Variants in EIF2B2 observed in about 807,000 individuals in gnomAD.
The protein encoded by EIF2B2 is translation initiation factor eIF2B subunit beta.
A neutral mutation model predicts 34.7 loss-of-function variants in EIF2B2; 34 were observed. The ratio of observed to expected loss-of-function variants is 0.98; its 90% CI spans 0.75 to 1.31. EIF2B2 has a LOEUF of 1.31. Ranked by LOEUF, EIF2B2 falls within the 50% of genes most tolerant of loss-of-function variation. EIF2B2 has a pLI of 0.00. For missense variants in EIF2B2, 361 were observed against 447.7 expected, an observed-to-expected ratio of 0.81 and a Z score of 1.75; for synonymous variants, 155 against 171.6, an observed-to-expected ratio of 0.90 and a Z score of 0.76.
Position 75,009,031 on chromosome 14 carries a change from G to T in EIF2B2, c.899G>T (p.Gly300Val). 1 of 1,614,012 alleles carries T rather than the reference G, an allele frequency of 6.2e-7. No homozygotes were observed. Among genetic ancestry groups the T allele is most frequent in the Non-Finnish European group, 8.5e-7 (1 of 1,179,964 alleles). The change falls in exon 8 of 8, where the codon GGG becomes GTG. Residue 300 changes from glycine to valine, a missense_variant and splice_region_variant. Coordinates refer to ENST00000266126, the MANE Select transcript of EIF2B2 (RefSeq NM_014239.4). ...TTTAGCATGTGTGCTTGCCTTTCAG[G>T]GGACATTCTGGAGAAGGTCAGCGTG... ...APEEVLPFTE[G>V]DILEKVSVHC...
At position 75,007,818 on chromosome 14, in the gene EIF2B2, G is replaced by A. The variant is rs763801768; in HGVS notation, c.898+30G>A. On this transcript the variant is annotated intron_variant, in intron 7 of 7. Transcript: ENST00000266126. ...AGAAGCTGTGTGTGCATGCGTGCAT[G>A]TGTTGTGTGTATTCGGGGTTTGTGT... 24 of 1,608,468 alleles carry A rather than the reference G, an allele frequency of 1.5e-5. No homozygotes were observed. The South Asian group carries it at 2.5e-4, about 17-fold the overall frequency.
rs759931855 is a variant in EIF2B2, at chr14:75,004,701, T to G, written c.434-36T>G. 4.1e-6 allele frequency: 2 copies of G among 488,514 alleles called. 1 individual carries two copies. The highest frequency in any genetic ancestry group is 5.1e-6 in the Non-Finnish European group (2 of 392,292). The allele number at this position is 488,514 out of a possible 1,614,324, so 30.3% of individuals were successfully genotyped here. ...TATATATATATATATTTTTTTTTTT[T>G]TTTTTTTTTTTTTTTTTGCAAAACC... is the stretch of plus-strand genomic sequence containing the variant. On this transcript the variant is annotated intron_variant, in intron 3 of 7. Coordinates refer to ENST00000266126, the MANE Select transcript of EIF2B2 (RefSeq NM_014239.4).
In EIF2B2 at chr14:75,003,700, G is replaced by C; in HGVS notation, c.433+1G>C. ...ATTAATGAGCTGCTAGTGGAGCTGGGTAAGAGGCCTGATCGCTGGGAAAAT... is the reference window on the plus strand; with the variant it reads ...ATTAATGAGCTGCTAGTGGAGCTGGCTAAGAGGCCTGATCGCTGGGAAAAT... On this transcript the variant is annotated splice_donor_variant, in intron 3 of 7. Transcript: ENST00000266126. LOFTEE classifies it high-confidence loss of function. The C allele has an allele frequency of 6.2e-7, 1 of 1,614,184 alleles. No homozygotes were observed. The highest frequency in any genetic ancestry group is 8.5e-7 in the Non-Finnish European group (1 of 1,180,042).
At position 75,009,877 on chromosome 14, in the gene EIF2B2, A is replaced by G. The variant is rs529892679; in HGVS notation, c.*689A>G. 6.5e-6 allele frequency: 1 copy of G among 154,494 alleles called. No individual in the cohort carries two copies. The highest frequency in any genetic ancestry group is 1.4e-5 in the Non-Finnish European group (1 of 69,612). 9.6% of individuals were successfully genotyped at this position (154,494 alleles called of 1,614,324 possible). A position where few individuals can be genotyped will look rare whatever the true frequency, so the allele number is the denominator to read the frequency against. Reference sequence around the variant, plus strand: ...TAAAAAATTAGCCAGACATGGTGGCACATGCCTGTGGCCTCGCTATGCTGG... The same window carrying G: ...TAAAAAATTAGCCAGACATGGTGGCGCATGCCTGTGGCCTCGCTATGCTGG... On this transcript the variant is annotated 3_prime_UTR_variant, in exon 8 of 8. Transcript: ENST00000266126.
Position 75,002,998 on chromosome 14 carries a change from G to C in EIF2B2, c.8G>C (p.Gly3Ala). Residue 3 changes from glycine (G) to alanine (A), a missense_variant, in exon 1 of 8, where the codon GGA (glycine) becomes GCA (alanine). Gly to Ala is a moderately conservative substitution (Grantham distance 60). Transcript: ENST00000266126. ...AAGGCAGCTACCTTAAAGATGCCGG[G>C]ATCCGCAGCGAAGGGCTCGGAGTTG... MPGSAAKGSELSE... is the reference protein window; with the variant it reads MPASAAKGSELSE... 6.2e-7 allele frequency: 1 copy of C among 1,614,144 alleles called. No individual in the cohort carries two copies. Among genetic ancestry groups the C allele is most frequent in the Non-Finnish European group, 8.5e-7 (1 of 1,180,038 alleles).
Position 75,003,292 on chromosome 14 carries a change from A to C in EIF2B2, c.181A>C (p.Ile61Leu). The C allele has an allele frequency of 6.2e-7, 1 of 1,613,754 alleles. No homozygotes were observed. Among genetic ancestry groups the C allele is most frequent in the Non-Finnish European group, 8.5e-7 (1 of 1,179,956 alleles). The change falls in exon 2 of 8, where the codon ATC becomes CTC. Residue 61 changes from isoleucine to leucine, a missense_variant. Transcript: ENST00000266126. The stretch of plus-strand genomic sequence containing the variant: ...GACTGTAGGGGAGCTGATGGAGCTG[A>C]TCCGCAGAGAGGGCAGGAGGATGAC... ...WSNAGELMELIRREGRRMTAA... is the reference protein window; with the variant it reads ...WSNAGELMELLRREGRRMTAA...
intron 4 of EIF2B2, among the ~76,000 whole-genome samples, chr14:75,005,397 C>A (rs527412435): frequency 6.6e-6 from 1 of 151,290 alleles, no homozygotes; most frequent in Admixed American, 6.6e-5. Flanking sequence ...AAAAAGATGG[C>A]GAGCTGCTGG....
Position 75,005,965 on chromosome 14 carries a change from G to A in EIF2B2, c.693+4G>A. 6.2e-7 allele frequency: 1 copy of A among 1,608,282 alleles called. No individual in the cohort carries two copies. Among genetic ancestry groups the A allele is most frequent in the Non-Finnish European group, 8.5e-7 (1 of 1,175,064 alleles). On this transcript the variant is annotated splice_donor_region_variant and intron_variant, in intron 5 of 7. Coordinates refer to ENST00000266126, the MANE Select transcript of EIF2B2 (RefSeq NM_014239.4). ...CGTTATGTCAAGAGTCAACAAGGTG[G>A]GTATATCTGGAGTTATGTTGAATTC...
Position 75,009,062 on chromosome 14 carries a change from C to T in EIF2B2, c.930C>T (p.Cys310=), listed in dbSNP as rs767183422. The part of the protein sequence containing the change: ...GDILEKVSVH[C]PVFDYVPPEL... ...TTCTGGAGAAGGTCAGCGTGCATTG[C>T]CCTGTGTTTGACTACGTTCCCCCAG... Residue 310 remains cysteine (C), a synonymous_variant, in exon 8 of 8, where the codon TGC becomes TGT. Coordinates refer to ENST00000266126, the MANE Select transcript of EIF2B2 (RefSeq NM_014239.4). The T allele has an allele frequency of 5.6e-6, 9 of 1,613,964 alleles. No homozygotes were observed. Among genetic ancestry groups the T allele is most frequent in the Non-Finnish European group, 7.6e-6 (9 of 1,180,014 alleles).
chr14:75,009,128 AC>A lies in EIF2B2; in HGVS notation c.998del (p.Pro333LeufsTer7). On this transcript the variant is annotated frameshift_variant, in exon 8 of 8. Transcript: ENST00000266126. LOFTEE classifies it high-confidence loss of function. ...TTATCTCCAACATTGGTGGGAATGC[AC>A]CTTCCTACATCTACCGCCTGATGAG... The part of the protein sequence containing the change: ...LFISNIGGNA[P>X]SYIYRLMSEL... 1 of 1,614,022 alleles carries A rather than the reference AC, an allele frequency of 6.2e-7. No individual in the cohort carries two copies. The highest frequency in any genetic ancestry group is 8.5e-7 in the Non-Finnish European group (1 of 1,179,986).
Position 75,006,522 on chromosome 14 carries a change from G to C in EIF2B2, c.694-55G>C. Reference sequence around the variant, plus strand: ...AGCATTTAGCTTTTTGTGGCCAGTGGCCCTTTTAGGGCTCCACCCCCAGGA... The same window carrying C: ...AGCATTTAGCTTTTTGTGGCCAGTGCCCCTTTTAGGGCTCCACCCCCAGGA... On this transcript the variant is annotated intron_variant, in intron 5 of 7. Coordinates refer to ENST00000266126, the MANE Select transcript of EIF2B2 (RefSeq NM_014239.4). The surrounding 1 kb of genome is among the most constrained non-coding windows in gnomAD (Gnocchi z 4.1). 6.2e-7 allele frequency: 1 copy of C among 1,607,916 alleles called. No homozygotes were observed. Among genetic ancestry groups the C allele is most frequent in the Non-Finnish European group, 8.5e-7 (1 of 1,179,604 alleles).
chr14:75,004,982 C>A, intron 4 of EIF2B2, 82 bp downstream of exon 4: 1 of 1,438,902 alleles, frequency 6.9e-7, no homozygotes, highest in Non-Finnish European at 9.7e-7. Flanking sequence ...GCCATTCCAA[C>A]CTTGAATTGA....
chr14:75,009,881 G>A lies in EIF2B2; in HGVS notation c.*693G>A, dbSNP rs914946918. 3 of 154,082 alleles carry A rather than the reference G, an allele frequency of 1.9e-5. No individual in the cohort carries two copies. Among genetic ancestry groups the A allele is most frequent in the Non-Finnish European group, 2.9e-5 (2 of 69,478 alleles). 9.5% of individuals were successfully genotyped at this position (154,082 alleles called of 1,614,324 possible). On this transcript the variant is annotated 3_prime_UTR_variant, in exon 8 of 8. Transcript: ENST00000266126. ...AAATTAGCCAGACATGGTGGCACAT[G>A]CCTGTGGCCTCGCTATGCTGGAGGC... is the stretch of plus-strand genomic sequence containing the variant.
Position 75,005,496 on chromosome 14 carries a change from A to T in EIF2B2, c.598-370A>T, listed in dbSNP as rs558595620. ...CTAATGCTTGGTCTGACCTCACTTG[A>T]TCCTAAGTAAATAATAGGTCTCAAA... On this transcript the variant is annotated intron_variant, in intron 4 of 7. Transcript: ENST00000266126. Among the ~76,000 whole-genome samples the T allele has an allele frequency of 9.0e-4, 137 of 152,318 alleles. 1 individual carries two copies. The highest frequency in any genetic ancestry group is 2.1e-3 in the African/African-American group (88 of 41,556).
chr14:75,004,426 C>G (rs139950791), intron 3 of EIF2B2, among the ~76,000 whole-genome samples: 2 of 151,860 alleles, frequency 1.3e-5, no homozygotes, highest in Non-Finnish European at 2.9e-5. Context: ...CATGGTGGCT[C>G]ACACCTGTAA....
chr14:75,003,789 G>A, intron 3 of EIF2B2, 90 bp downstream of exon 3: 3 of 1,553,448 alleles, frequency 1.9e-6, no homozygotes, highest in Non-Finnish European at 2.6e-6. Flanking sequence ...GCAGAGATGG[G>A]AGATTAGCTG....
rs773222616 is a variant in EIF2B2, at chr14:75,006,543, C to G, written c.694-34C>G. 3 of 1,611,730 alleles carry G rather than the reference C, an allele frequency of 1.9e-6. No individual in the cohort carries two copies. The East Asian group carries it at 6.7e-5, about 36-fold the overall frequency. On this transcript the variant is annotated intron_variant, in intron 5 of 7. Coordinates refer to ENST00000266126, the MANE Select transcript of EIF2B2 (RefSeq NM_014239.4). This position sits in a 1 kb window ranked among gnomAD's most constrained non-coding sequence, Gnocchi z 4.1. Reference sequence around the variant, plus strand: ...AGTGGCCCTTTTAGGGCTCCACCCCCAGGATGGCTCACATTTTTTGTCTTG... The same window carrying G: ...AGTGGCCCTTTTAGGGCTCCACCCCGAGGATGGCTCACATTTTTTGTCTTG...
rs1383615099 is a variant in EIF2B2 at position 75,009,992 on chromosome 14, G to C, written c.*804G>C. On this transcript the variant is annotated 3_prime_UTR_variant, in exon 8 of 8. Coordinates refer to ENST00000266126, the MANE Select transcript of EIF2B2 (RefSeq NM_014239.4). Reference sequence around the variant, plus strand: ...ACTGCACTCCTGCCTGGATGATAGAGCAAGACTCTGTCTCTAAAAAAATAA... The same window carrying C: ...ACTGCACTCCTGCCTGGATGATAGACCAAGACTCTGTCTCTAAAAAAATAA... The C allele has an allele frequency of 6.6e-6, 1 of 152,236 alleles. No individual in the cohort carries two copies. The highest frequency in any genetic ancestry group is 2.4e-5 in the African/African-American group (1 of 41,438). The allele number at this position is 152,236 out of a possible 1,614,324, so 9.4% of individuals were successfully genotyped here.
In EIF2B2 at chr14:75,006,767, G is replaced by C. The variant is rs2139255152; in HGVS notation, c.831+53G>C. 3 of 1,611,652 alleles carry C rather than the reference G, an allele frequency of 1.9e-6. No individual in the cohort carries two copies. The highest frequency in any genetic ancestry group is 2.5e-6 in the Non-Finnish European group (3 of 1,179,448). On this transcript the variant is annotated intron_variant, in intron 6 of 7. Coordinates refer to ENST00000266126, the MANE Select transcript of EIF2B2 (RefSeq NM_014239.4). This position sits in a 1 kb window ranked among gnomAD's most constrained non-coding sequence, Gnocchi z 4.1. ...CCAGCAGAAAAGAAGGAAGCCAAAG[G>C]GTAGGCTTGAACTCTGGGACTTCAA...
Sources: gnomAD v4.1 joint callset for allele counts (sites outside exome capture counted in the v4.1 genomes callset) on GRCh38, gnomAD v4.1.1 for gene constraint, Gnocchi (gnomAD v3.1) non-coding constraint, MANE v1.5 for transcripts, NCBI Gene and HGNC (gene_info 2026-07-23, HGNC 2026-07-21) for gene names.